PHF24: variants seen among roughly 807,000 people sequenced by gnomAD.
PHF24 encodes PHD finger protein 24.
A neutral mutation model predicts 42.6 loss-of-function variants in PHF24; 25 were observed. The ratio of observed to expected loss-of-function variants is 0.59; its 90% CI spans 0.43 to 0.82. The LOEUF (loss-of-function observed/expected upper bound fraction) is 0.82, where lower values mean the gene tolerates loss of function less well. Ranked by LOEUF, PHF24 falls within the 40% of genes least tolerant of loss-of-function variation. PHF24 has a pLI of 0.00. For missense variants in PHF24, 470 were observed against 538.1 expected (o/e 0.87, Z 1.25); for synonymous variants, 185 against 204.8 (o/e 0.90, Z 0.83).
chr9:34,726,687 C>T, the PHF24 span: 2 of 1,551,558 alleles, frequency 1.3e-6, no homozygotes, highest in South Asian at 1.2e-5. Context: ...GACTGGGCAG[C>T]TGACTGGGTT....
Position 34,972,210 on chromosome 9 carries a change from TGGCTTCAGTTGGGGCTGTTCCTCTA to T in PHF24, c.379-131_379-107del. 5 of 714,868 alleles carry T rather than the reference TGGCTTCAGTTGGGGCTGTTCCTCTA, an allele frequency of 7.0e-6. 1 individual carries two copies. The South Asian group carries it at 1.2e-4, about 17-fold the overall frequency. 44.3% of individuals were successfully genotyped at this position (714,868 alleles called of 1,614,324 possible). On this transcript the variant is annotated intron_variant, in intron 2 of 7. Coordinates refer to ENST00000242315, the Ensembl canonical transcript of PHF24. Reference sequence around the variant, plus strand: ...TCGTCCAGAAAGAAAACCTCAACAATGGCTTCAGTTGGGGCTGTTCCTCTAGGCTAATCTGGGAAGACTCAGCCCC... The same window carrying T: ...TCGTCCAGAAAGAAAACCTCAACAATGGCTAATCTGGGAAGACTCAGCCCC...
the PHF24 span, among the ~76,000 whole-genome samples, chr9:34,910,838 A>G: frequency 1.5e-3 from 229 of 150,954 alleles, no homozygotes; most frequent in African/African-American, 5.3e-3. Context: ...TTTTTTTTCA[A>G]TTGAGATAGA....
the PHF24 span, among the ~76,000 whole-genome samples, chr9:34,776,692 G>A: frequency 6.6e-6 from 1 of 152,154 alleles, no homozygotes; most frequent in Admixed American, 6.5e-5. Flanking sequence ...CTGAGATCTT[G>A]TGAATTTCTT....
the PHF24 span, among the ~76,000 whole-genome samples, chr9:34,781,571 T>C: frequency 6.6e-6 from 1 of 152,230 alleles, no homozygotes; most frequent in Non-Finnish European, 1.5e-5. Context: ...TACCGAATTA[T>C]ACATTTAAAA....
At chr9:34,911,498 C>T in the PHF24 span, among the ~76,000 whole-genome samples, 11 of 152,262 alleles carry the variant, frequency 7.2e-5, no homozygotes, top group Admixed American at 5.2e-4. Context: ...GTGATCCACC[C>T]GCCTCAGCCT....
chr9:34,898,434 CCTT>C, the PHF24 span, among the ~76,000 whole-genome samples: 1 of 152,070 alleles, frequency 6.6e-6, no homozygotes, highest in Admixed American at 6.6e-5. Context: ...TCTTAAATGT[CCTT>C]CTTATACCTA....
the PHF24 span, among the ~76,000 whole-genome samples, chr9:34,877,179 G>A: frequency 6.6e-6 from 1 of 151,652 alleles, no homozygotes; most frequent in Non-Finnish European, 1.5e-5. Flanking sequence ...TACTCGGGAG[G>A]CTGAGGCAGG....
the PHF24 span, among the ~76,000 whole-genome samples, chr9:34,797,911 C>A: frequency 6.6e-6 from 1 of 151,848 alleles, no homozygotes; most frequent in African/African-American, 2.4e-5. Flanking sequence ...TTAAAGGGAC[C>A]ACGCTCTTCC....
the PHF24 span, among the ~76,000 whole-genome samples, chr9:34,682,074 G>T: frequency 1.8e-5 from 1 of 55,660 alleles, no homozygotes; most frequent in South Asian, 7.4e-4. Context: ...TCCCAGGCTC[G>T]AGAGTTCCTC....
Position 34,976,756 on chromosome 9 carries a change from G to A in PHF24, c.849+16G>A, listed in dbSNP as rs767076250. The A allele has an allele frequency of 6.2e-7, 1 of 1,606,366 alleles. No individual in the cohort carries two copies. The highest frequency in any genetic ancestry group is 8.5e-7 in the Non-Finnish European group (1 of 1,173,586). ...GCGTCCCCAGGTGAGGGCCAGTTGG[G>A]GCAAATGTTCCTGGGATACTGGGTG... On this transcript the variant is annotated intron_variant, in intron 5 of 7. Coordinates refer to ENST00000242315, the Ensembl canonical transcript of PHF24.
intron 3 of PHF24, among the ~76,000 whole-genome samples, chr9:34,972,766 T>C (rs949586620): frequency 1.3e-5 from 2 of 151,742 alleles, no homozygotes; most frequent in Non-Finnish European, 2.9e-5. Flanking sequence ...ATACAAAAAT[T>C]AGCTGGGCGT....
At chr9:34,817,167 T>G in the PHF24 span, among the ~76,000 whole-genome samples, 1 of 152,252 alleles carries the variant, frequency 6.6e-6, no homozygotes, top group Non-Finnish European at 1.5e-5. Context: ...CTAAGTGATT[T>G]TAATTATATT....
the PHF24 span, among the ~76,000 whole-genome samples, chr9:34,740,021 T>A: frequency 5.3e-5 from 8 of 152,168 alleles, no homozygotes; most frequent in Admixed American, 5.2e-4. Flanking sequence ...GATTGGTGCA[T>A]TCACAAACCC....
At chr9:34,782,248 G>A in the PHF24 span, among the ~76,000 whole-genome samples, 1 of 152,174 alleles carries the variant, frequency 6.6e-6, no homozygotes, top group South Asian at 2.1e-4. Context: ...ATGAGAGCAA[G>A]ACTCAGTGAT....
chr9:34,826,910 G>A, the PHF24 span, among the ~76,000 whole-genome samples: 1 of 152,162 alleles, frequency 6.6e-6, no homozygotes, highest in Non-Finnish European at 1.5e-5. Flanking sequence ...GATAGAACAT[G>A]GATTTATGCA....
At chr9:34,958,315 G>A (rs1391972029), upstream of PHF24, 1 of 151,226 alleles carries the variant, frequency 6.6e-6, no homozygotes, top group Non-Finnish European at 1.5e-5. This position sits in a 1 kb window ranked among gnomAD's most constrained non-coding sequence, Gnocchi z 4.5. Context: ...CCAGCACGCC[G>A]GCTCTCGGGC....
chr9:34,877,324 T>C, the PHF24 span, among the ~76,000 whole-genome samples: 1 of 150,530 alleles, frequency 6.6e-6, no homozygotes, highest in Non-Finnish European at 1.5e-5. Flanking sequence ...ACGTTCAACA[T>C]GGATAAACCT....
At chr9:34,684,959 A>G in the PHF24 span, among the ~76,000 whole-genome samples, 2 of 152,060 alleles carry the variant, frequency 1.3e-5, no homozygotes, top group African/African-American at 4.8e-5. Context: ...TGATTCCCTC[A>G]TCTACCCTGA....
At chr9:34,781,714 C>A in the PHF24 span, among the ~76,000 whole-genome samples, 518 of 150,258 alleles carry the variant, frequency 3.4e-3, 2 homozygotes, top group Non-Finnish European at 6.0e-3. Flanking sequence ...CTCAGTAAGG[C>A]TGTTAGGGAA....
Sources: gnomAD v4.1 joint callset for allele counts (sites outside exome capture counted in the v4.1 genomes callset) on GRCh38, gnomAD v4.1.1 for gene constraint, Gnocchi (gnomAD v3.1) non-coding constraint, MANE v1.5 for transcripts, NCBI Gene and HGNC (gene_info 2026-07-23, HGNC 2026-07-21) for gene names.